The following DENND1A variants were observed in gnomAD, a reference collection of about 807,000 sequenced individuals.
DENND1A encodes DENN domain-containing protein 1A.
A neutral mutation model predicts 113.7 loss-of-function variants in DENND1A; 51 were observed. That is an observed-to-expected ratio of 0.45 (90% confidence interval 0.36 to 0.57). DENND1A has a LOEUF of 0.57. DENND1A is among the 20% of genes least tolerant of loss of function. The pLI, the probability that DENND1A is intolerant of heterozygous loss-of-function variation, is 0.00. For missense variants in DENND1A, 1,258 were observed against 1,395.9 expected, an observed-to-expected ratio of 0.90 and a Z score of 1.57; for synonymous variants, 565 against 570.8, an observed-to-expected ratio of 0.99 and a Z score of 0.14.
intron 2 of DENND1A, among the ~76,000 whole-genome samples, chr9:123,853,966 A>G (rs1843765507): frequency 6.6e-6 from 1 of 152,202 alleles, no homozygotes; most frequent in African/African-American, 2.4e-5. Flanking sequence ...GAAAAAAAAT[A>G]TATGTATCAT....
At chr9:123,580,100 C>CA (rs1589221351) in intron 12 of DENND1A, among the ~76,000 whole-genome samples, 2 of 152,330 alleles carry the variant, frequency 1.3e-5, no homozygotes, top group Admixed American at 6.5e-5. Flanking sequence ...ATGCTGACAA[C>CA]ATGCAAGCAC....
At chr9:123,700,367 A>G (rs549927171) in intron 5 of DENND1A, among the ~76,000 whole-genome samples, 1 of 152,336 alleles carries the variant, frequency 6.6e-6, no homozygotes, top group South Asian at 2.1e-4. Flanking sequence ...AGTCCTCCAG[A>G]GAAACAGAAT....
At chr9:123,432,610 G>A (rs2046219679) in intron 19 of DENND1A, among the ~76,000 whole-genome samples, 1 of 152,200 alleles carries the variant, frequency 6.6e-6, no homozygotes, top group South Asian at 2.1e-4. Flanking sequence ...GAAGAAACGG[G>A]GGCAACGGAA....
chr9:123,891,600 C>A (rs1448107911), intron 1 of DENND1A, among the ~76,000 whole-genome samples: 53 of 152,148 alleles, frequency 3.5e-4, no homozygotes, highest in Non-Finnish European at 1.6e-4. Context: ...AATCGTGAGA[C>A]TCTTTAGAAG....
At chr9:123,443,631 G>A (rs543582627) in intron 18 of DENND1A, among the ~76,000 whole-genome samples, 1 of 152,358 alleles carries the variant, frequency 6.6e-6, no homozygotes, top group South Asian at 2.1e-4. Context: ...GGATGCCACA[G>A]GCAGCACAAG....
intron 13 of DENND1A, among the ~76,000 whole-genome samples, chr9:123,527,507 G>A (rs2054938170): frequency 6.6e-6 from 1 of 152,082 alleles, no homozygotes; most frequent in Non-Finnish European, 1.5e-5. Flanking sequence ...TCTGCCTGGA[G>A]GATGTTCCCT....
chr9:123,610,109 G>A (rs544484996), intron 10 of DENND1A, among the ~76,000 whole-genome samples: 3 of 152,234 alleles, frequency 2.0e-5, no homozygotes, highest in African/African-American at 4.8e-5. Flanking sequence ...CTTCATTCAC[G>A]GAGCCACGGG....
chr9:123,507,938 G>C lies in DENND1A; in HGVS notation c.993+49632C>G, dbSNP rs77229860. Among the ~76,000 whole-genome samples the C allele has an allele frequency of 4.2e-3, 632 of 152,252 alleles. 4 individuals are homozygous for C. Among genetic ancestry groups the C allele is most frequent in the African/African-American group, 0.014 (600 of 41,540 alleles). On this transcript the variant is annotated intron_variant, in intron 13 of 23. Transcript: ENST00000394215. The stretch of plus-strand genomic sequence containing the variant: ...TACTGTGAAGCTTTGACTTTATTCA[G>C]TTCCTCTTAAAATGCATTGACTCAG...
At chr9:123,889,732 G>A (rs1475149674) in intron 1 of DENND1A, among the ~76,000 whole-genome samples, 1 of 152,160 alleles carries the variant, frequency 6.6e-6, no homozygotes, top group East Asian at 1.9e-4. Flanking sequence ...CAGCACTTTG[G>A]GAGGCCGAGG....
At chr9:123,679,888 G>A (rs767712090) in intron 5 of DENND1A, among the ~76,000 whole-genome samples, 2 of 152,086 alleles carry the variant, frequency 1.3e-5, no homozygotes, top group Non-Finnish European at 2.9e-5. Context: ...GCGACCATCC[G>A]TGGTCCGCCT....
At chr9:123,398,759 C>T (rs1421099822) in intron 21 of DENND1A, among the ~76,000 whole-genome samples, 2 of 151,170 alleles carry the variant, frequency 1.3e-5, no homozygotes, top group Non-Finnish European at 2.9e-5. Context: ...CTTGGGGCCT[C>T]GCAGCTGTGC....
At chr9:123,443,215 C>G (rs1301461703) in intron 18 of DENND1A, among the ~76,000 whole-genome samples, 1 of 152,144 alleles carries the variant, frequency 6.6e-6, no homozygotes, top group Non-Finnish European at 1.5e-5. Flanking sequence ...AACGACAGCA[C>G]AAGTGAAGGT....
Position 123,381,863 on chromosome 9 carries a change from C to T in DENND1A, c.2782G>A (p.Ala928Thr). ...GCACTGGACAGCAGGAGGCCGGACG[C>T]AAAAGCCGGCCCCAGGGAAGCTGGA... ...APPASLGPAF[A>T]SGLLLSSAGF... The change falls in exon 24 of 24, where the codon GCG becomes ACG. Residue 928 changes from alanine to threonine, a missense_variant. By Grantham distance (58) the Ala-to-Thr change is moderately conservative. Around this residue, in one of 2 missense-constraint regions of DENND1A, gnomAD observed 1,159 missense variants for 1,231.7 expected, o/e 0.94. Coordinates refer to ENST00000394215, the MANE Select transcript of DENND1A (RefSeq NM_001352964.2). The surrounding 1 kb of genome is among the most constrained non-coding windows in gnomAD (Gnocchi z 4.7). 7.5e-7 allele frequency: 1 copy of T among 1,339,332 alleles called. No individual in the cohort carries two copies. The highest frequency in any genetic ancestry group is 9.6e-7 in the Non-Finnish European group (1 of 1,037,864). The allele number at this position is 1,339,332 out of a possible 1,614,324, so 83.0% of individuals were successfully genotyped here.
intron 1 of DENND1A, among the ~76,000 whole-genome samples, chr9:123,886,463 A>G (rs1438143136): frequency 1.3e-5 from 2 of 152,182 alleles, no homozygotes; most frequent in East Asian, 3.9e-4. Context: ...GCTTCAGCGC[A>G]GTGTTTCCTT....
intron 10 of DENND1A, among the ~76,000 whole-genome samples, chr9:123,628,400 G>C (rs1048772603): frequency 1.3e-5 from 2 of 151,912 alleles, no homozygotes; most frequent in African/African-American, 4.8e-5. Context: ...TGGCAGCGGG[G>C]ACAGGAGTCT....
intron 2 of DENND1A, among the ~76,000 whole-genome samples, chr9:123,819,229 A>T (rs1250692049): frequency 2.6e-5 from 4 of 152,256 alleles, no homozygotes; most frequent in African/African-American, 9.6e-5. Flanking sequence ...TCTTAACATT[A>T]CACACCATAC....
rs142135096 is a variant in DENND1A, at chr9:123,381,077, G to T, written c.*355C>A. 8.1e-6 allele frequency: 2 copies of T among 247,218 alleles called. No individual in the cohort carries two copies. The highest frequency in any genetic ancestry group is 1.6e-5 in the Non-Finnish European group (2 of 127,354). 15.3% of individuals were successfully genotyped at this position (247,218 alleles called of 1,614,324 possible). On this transcript the variant is annotated 3_prime_UTR_variant, in exon 24 of 24. Transcript: ENST00000394215. The surrounding 1 kb of genome is among the most constrained non-coding windows in gnomAD (Gnocchi z 4.7). ...AGCTGGGCTCGGAGGGGAGGCCTTC[G>T]GAGCCTCTTGGGACACTTCCGGGGG...
chr9:123,543,802 T>C (rs2056459161), intron 13 of DENND1A, among the ~76,000 whole-genome samples: 1 of 152,214 alleles, frequency 6.6e-6, no homozygotes, highest in African/African-American at 2.4e-5. Context: ...GTCTCCCAGC[T>C]TGCACATTCT....
chr9:123,472,764 G>A (rs974106153), intron 13 of DENND1A, among the ~76,000 whole-genome samples: 8 of 151,778 alleles, frequency 5.3e-5, no homozygotes, highest in East Asian at 1.9e-4. Context: ...CCCGCCCACC[G>A]CGGCTCCTCA....
Sources: allele counts gnomAD v4.1 joint callset (sites outside exome capture counted in the v4.1 genomes callset), GRCh38; gene constraint gnomAD v4.1.1; regional missense constraint gnomAD v4.1.1; non-coding constraint Gnocchi (gnomAD v3.1); transcripts MANE v1.5; gene names NCBI Gene and HGNC (gene_info 2026-07-23, HGNC 2026-07-21).